VWA8: variants seen among roughly 807,000 people sequenced by gnomAD.
VWA8 encodes the protein von Willebrand factor A domain-containing protein 8.
A neutral mutation model predicts 241.5 loss-of-function variants in VWA8; 221 were observed. The ratio of observed to expected loss-of-function variants is 0.91; its 90% confidence interval spans 0.82 to 1.02. The LOEUF (loss-of-function observed/expected upper bound fraction) is 1.02. VWA8 is among the 50% of genes least tolerant of loss of function. VWA8 has a pLI of 0.00. For missense variants in VWA8, 2,322 were observed against 2,328.7 expected (o/e 1.00, Z 0.06); for synonymous variants, 852 against 827.1 (o/e 1.03, Z -0.52).
chr13:41,807,501 C>T (rs995128225), intron 17 of VWA8, among the ~76,000 whole-genome samples: 8 of 152,154 alleles, frequency 5.3e-5, no homozygotes, highest in Admixed American at 1.3e-4. Context: ...CATGACCAAG[C>T]GGGATTTATG....
intron 26 of VWA8, among the ~76,000 whole-genome samples, chr13:41,708,346 A>G (rs374211152): frequency 5.3e-5 from 8 of 152,056 alleles, no homozygotes; most frequent in African/African-American, 1.9e-4. Context: ...GGGAAACAAG[A>G]GCGAAATTTG....
In VWA8 at chr13:41,699,130, C is replaced by CA; in HGVS notation, c.3504dup (p.Val1169CysfsTer18). 2 of 1,614,072 alleles carry CA rather than the reference C, an allele frequency of 1.2e-6. No homozygotes were observed. Among genetic ancestry groups the CA allele is most frequent in the Non-Finnish European group, 1.7e-6 (2 of 1,179,982 alleles). On this transcript the variant is annotated frameshift_variant, in exon 29 of 45. Transcript: ENST00000379310. LOFTEE classifies it high-confidence loss of function. ...GGACTTCCCAGCGGTGCCACTGTCA[C>CA]AAAAGGGTGCCAAACGCCATTGGCT...
intron 16 of VWA8, 137 bp downstream of exon 16, chr13:41,816,561 G>T: frequency 2.7e-6 from 2 of 735,408 alleles, no homozygotes; most frequent in Non-Finnish European, 4.4e-6. Flanking sequence ...CATATGCATA[G>T]AACAAAGGCA....
chr13:41,620,179 C>T lies in VWA8; in HGVS notation c.4612-5095G>A, dbSNP rs573615252. ...ATTGGTCTATTCAGGGATTCAACGT[C>T]TTCCTGGTTTAGTCTTGGGAGGGTG... On this transcript the variant is annotated intron_variant, in intron 37 of 44. Coordinates refer to ENST00000379310, the MANE Select transcript of VWA8 (RefSeq NM_015058.2). Among the ~76,000 whole-genome samples, 16 of 152,192 alleles carry T rather than the reference C, an allele frequency of 1.1e-4. No homozygotes were observed. In the South Asian group the frequency reaches 3.3e-3, roughly 32 times the overall value.
chr13:41,833,302 G>T, intron 13 of VWA8, 69 bp downstream of exon 13: 2 of 1,483,702 alleles, frequency 1.3e-6, no homozygotes, highest in Non-Finnish European at 1.8e-6. Context: ...GAATGAGATA[G>T]TTCCATCTTT....
At chr13:41,621,683 C>T (rs1395737329) in intron 37 of VWA8, among the ~76,000 whole-genome samples, 1 of 152,166 alleles carries the variant, frequency 6.6e-6, no homozygotes, top group Non-Finnish European at 1.5e-5. Context: ...TGTAAGAGAA[C>T]AGTCTTTTAA....
At chr13:41,880,735 C>G (rs1874130450) in intron 9 of VWA8, among the ~76,000 whole-genome samples, 1 of 152,168 alleles carries the variant, frequency 6.6e-6, no homozygotes, top group African/African-American at 2.4e-5. Context: ...CATGAACTCT[C>G]AGCAAAAATT....
At chr13:41,731,248 G>A (rs1477378621) in intron 22 of VWA8, among the ~76,000 whole-genome samples, 1 of 151,958 alleles carries the variant, frequency 6.6e-6, no homozygotes, top group African/African-American at 2.4e-5. Context: ...TGCCATTACT[G>A]CAAAGGTGTC....
At chr13:41,863,281 T>G (rs1873093464) in intron 12 of VWA8, among the ~76,000 whole-genome samples, 1 of 149,482 alleles carries the variant, frequency 6.7e-6, no homozygotes. Flanking sequence ...TTGGAGTGGC[T>G]CTCCTTGCTC....
rs183064278 is a variant in VWA8 at position 41,833,703 on chromosome 13, T to C, written c.1426-172A>G. 2.6e-3 allele frequency among the ~76,000 whole-genome samples: 398 copies of C among 152,268 alleles called. 2 individuals carry two copies. Among genetic ancestry groups the C allele is most frequent in the Non-Finnish European group, 4.1e-3 (282 of 68,004 alleles). The stretch of plus-strand genomic sequence containing the variant: ...AAACGAAAGCTCTTCAGAAAGCTTT[T>C]TTTTGGTCATTTTAGGATTTTTTTC... On this transcript the variant is annotated intron_variant, in intron 12 of 44. Coordinates refer to ENST00000379310, the MANE Select transcript of VWA8 (RefSeq NM_015058.2).
At chr13:41,943,758 A>G (rs1397453707) in intron 2 of VWA8, among the ~76,000 whole-genome samples, 1 of 152,190 alleles carries the variant, frequency 6.6e-6, no homozygotes, top group Non-Finnish European at 1.5e-5. Flanking sequence ...AGGGCCAATA[A>G]GCACAGAAAA....
chr13:41,747,503 G>T (rs7316951), intron 21 of VWA8, among the ~76,000 whole-genome samples: 2,067 of 152,286 alleles, frequency 0.014, 13 homozygotes, highest in South Asian at 0.019. Context: ...TTTGGGCTGA[G>T]ACAATGGGGT....
In VWA8 at chr13:41,703,372, T is replaced by C. The variant is rs1454025923; in HGVS notation, c.3156A>G (p.Thr1052=). ...LPEQTFMGYW[T]IGQARSGMQK... ...GCATCCCACTTCTTGCCTGACCAAT[T>C]GTCCAGTAGCCCATGAACGTTTGTT... Residue 1052 remains threonine (T), a synonymous_variant, in exon 27 of 45, where the codon ACA becomes ACG. Coordinates refer to ENST00000379310, the MANE Select transcript of VWA8 (RefSeq NM_015058.2). 3 of 1,613,992 alleles carry C rather than the reference T, an allele frequency of 1.9e-6. No individual in the cohort carries two copies. The highest frequency in any genetic ancestry group is 1.7e-6 in the Non-Finnish European group (2 of 1,180,000).
chr13:41,699,490 G>C (rs1008252265), intron 28 of VWA8, among the ~76,000 whole-genome samples: 8 of 152,024 alleles, frequency 5.3e-5, no homozygotes, highest in Non-Finnish European at 1.0e-4. Flanking sequence ...TGAAAAAATT[G>C]GTTATCTATT....
chr13:41,702,029 A>G (rs1253140388), intron 27 of VWA8, among the ~76,000 whole-genome samples: 1 of 152,220 alleles, frequency 6.6e-6, no homozygotes, highest in Non-Finnish European at 1.5e-5. Flanking sequence ...AAAAAACCAA[A>G]CTTACTGATA....
At chr13:41,852,665 G>C (rs1158274788) in intron 12 of VWA8, among the ~76,000 whole-genome samples, 6 of 151,952 alleles carry the variant, frequency 3.9e-5, no homozygotes, top group Non-Finnish European at 2.9e-5. Context: ...TAATATCATT[G>C]TTCTGCATGT....
In VWA8 at chr13:41,594,705, A is replaced by G. The variant is rs546976276; in HGVS notation, c.4987-3940T>C. Reference sequence around the variant, plus strand: ...TCAGCTCACGGAATTATTTCCATTGATAACTGAGGTTTGTTTTTAACTTTG... The same window carrying G: ...TCAGCTCACGGAATTATTTCCATTGGTAACTGAGGTTTGTTTTTAACTTTG... On this transcript the variant is annotated intron_variant, in intron 40 of 44. Transcript: ENST00000379310. Among the ~76,000 whole-genome samples the G allele has an allele frequency of 6.6e-5, 10 of 152,314 alleles. No homozygotes were observed. The South Asian group carries it at 2.1e-3, about 32-fold the overall frequency.
intron 28 of VWA8, among the ~76,000 whole-genome samples, 163 bp downstream of exon 28, chr13:41,701,229 T>A (rs1487490207): frequency 6.6e-6 from 1 of 152,146 alleles, no homozygotes; most frequent in African/African-American, 2.4e-5. Flanking sequence ...TTTTTTTAGG[T>A]TGTTAGAGGA....
intron 12 of VWA8, among the ~76,000 whole-genome samples, chr13:41,842,760 A>G (rs911906478): frequency 3.9e-5 from 6 of 152,330 alleles, no homozygotes; most frequent in African/African-American, 1.2e-4. Flanking sequence ...TATCCTTCCT[A>G]TACTACAAAG....
Sources: allele counts gnomAD v4.1 joint callset (sites outside exome capture counted in the v4.1 genomes callset), GRCh38; gene constraint gnomAD v4.1.1; transcripts MANE v1.5; gene names NCBI Gene and HGNC (gene_info 2026-07-23, HGNC 2026-07-21).